Variants in ZMAT4 observed in about 807,000 individuals in gnomAD.
ZMAT4 encodes the protein zinc finger matrin-type protein 4.
A neutral mutation model predicts 28.7 loss-of-function variants in ZMAT4; 17 were observed. The ratio of observed to expected loss-of-function variants is 0.59; its 90% CI spans 0.41 to 0.89. The LOEUF is 0.89. ZMAT4 is among the 40% of genes least tolerant of loss of function. The pLI, the probability that ZMAT4 is intolerant of heterozygous loss-of-function variation, is 0.00. For synonymous variants in ZMAT4, 117 were observed against 109.2 expected (o/e 1.07, Z -0.44); for missense variants, 240 against 283.8 (o/e 0.85, Z 1.11).
intron 3 of ZMAT4, among the ~76,000 whole-genome samples, chr8:40,733,158 A>G (rs1313781656): frequency 6.6e-6 from 1 of 152,032 alleles, no homozygotes; most frequent in Non-Finnish European, 1.5e-5. Context: ...TTTAACTTAA[A>G]AATCTGAGCA....
At chr8:40,601,450 A>AAGGAAGGAAGGAAGGG (rs1805310786) in intron 5 of ZMAT4, among the ~76,000 whole-genome samples, 1 of 87,738 alleles carries the variant, frequency 1.1e-5, no homozygotes, top group African/African-American at 4.1e-5. Flanking sequence ...GGAAGGAAGG[A>AAGGAAGGAAGGAAGGG]AGGAAGGGAG....
intron 1 of ZMAT4, among the ~76,000 whole-genome samples, chr8:40,875,963 A>T (rs1818028760): frequency 6.6e-6 from 1 of 152,174 alleles, no homozygotes; most frequent in Non-Finnish European, 1.5e-5. Context: ...CTATTAACCC[A>T]CTAGACCAAG....
intron 4 of ZMAT4, among the ~76,000 whole-genome samples, chr8:40,692,293 G>A (rs1471658704): frequency 2.6e-5 from 4 of 152,226 alleles, no homozygotes; most frequent in Non-Finnish European, 5.9e-5. Context: ...TGAAAGAAAG[G>A]TTATTGCTAA....
intron 3 of ZMAT4, among the ~76,000 whole-genome samples, chr8:40,710,071 G>C (rs993228916): frequency 6.7e-6 from 1 of 150,240 alleles, no homozygotes; most frequent in Non-Finnish European, 1.5e-5. Flanking sequence ...ACTGGTGGTA[G>C]TCTGAGATAT....
chr8:40,543,392 G>C (rs538142532), intron 6 of ZMAT4, among the ~76,000 whole-genome samples: 2 of 152,176 alleles, frequency 1.3e-5, no homozygotes, highest in Non-Finnish European at 2.9e-5. Context: ...TGGGTGTAGC[G>C]TCTGCTGTAG....
At chr8:40,623,233 T>C (rs1415918885) in intron 5 of ZMAT4, among the ~76,000 whole-genome samples, 3 of 152,132 alleles carry the variant, frequency 2.0e-5, no homozygotes, top group African/African-American at 7.2e-5. Context: ...AGCTAGAGAA[T>C]AACATGGTCA....
intron 6 of ZMAT4, among the ~76,000 whole-genome samples, chr8:40,561,706 G>A (rs1318412685): frequency 1.4e-4 from 22 of 152,136 alleles, no homozygotes; most frequent in African/African-American, 9.7e-5. Context: ...GGCTGCATGC[G>A]GCTCAGGATG....
chr8:40,793,183 G>A (rs895733957), intron 2 of ZMAT4, among the ~76,000 whole-genome samples: 8 of 152,316 alleles, frequency 5.3e-5, no homozygotes, highest in African/African-American at 1.2e-4. Context: ...GAGAGAAACC[G>A]TGGTGAGAGG....
At chr8:40,695,076 A>T (rs565806249) in intron 4 of ZMAT4, among the ~76,000 whole-genome samples, 1 of 152,166 alleles carries the variant, frequency 6.6e-6, no homozygotes, top group African/African-American at 2.4e-5. Flanking sequence ...TTGTGCAATC[A>T]TATTTCTACA....
chr8:40,767,651 C>T lies in ZMAT4; in HGVS notation c.182G>A (p.Arg61Gln), dbSNP rs751036977. 7 of 1,612,218 alleles carry T rather than the reference C, an allele frequency of 4.3e-6. No individual in the cohort carries two copies. Among genetic ancestry groups the T allele is most frequent in the Admixed American group, 1.7e-5 (1 of 59,640 alleles). Reference protein sequence around the residue: ...RDGGCPAKRLRSENGSDADMV... With the variant: ...RDGGCPAKRLQSENGSDADMV... Reference sequence around the variant, plus strand: ...GTACCAGATACTCACATTTTCTGACCGGAGCCTCTTGGCAGGACACCCTCC... The same window carrying T: ...GTACCAGATACTCACATTTTCTGACTGGAGCCTCTTGGCAGGACACCCTCC... Residue 61 changes from arginine to glutamine, a missense_variant, in exon 3 of 7, where the codon CGG becomes CAG. Arg to Gln is a conservative substitution (Grantham distance 43, BLOSUM62 1). Coordinates refer to ENST00000297737, the MANE Select transcript of ZMAT4 (RefSeq NM_024645.3).
chr8:40,888,280 C>T (rs752466835), intron 1 of ZMAT4, among the ~76,000 whole-genome samples: 4 of 152,184 alleles, frequency 2.6e-5, no homozygotes, highest in Non-Finnish European at 4.4e-5. Flanking sequence ...TCATTCCATG[C>T]CTGGCTATTA....
chr8:40,876,143 C>T (rs574243940), intron 1 of ZMAT4, among the ~76,000 whole-genome samples: 1 of 152,260 alleles, frequency 6.6e-6, no homozygotes, highest in African/African-American at 2.4e-5. Context: ...CAGGTTTGAA[C>T]TGCAATGACC....
rs532018536 is a variant in ZMAT4, at chr8:40,616,064, A to C, written c.578-34803T>G. 2.0e-4 allele frequency among the ~76,000 whole-genome samples: 31 copies of C among 152,340 alleles called. No individual in the cohort carries two copies. In the South Asian group the frequency reaches 3.7e-3, roughly 18 times the overall value. Reference sequence around the variant, plus strand: ...AGAAAAAAGCAAACAACCCCATCAAAAAGTGGGCAAAGGATATGAACAGAC... The same window carrying C: ...AGAAAAAAGCAAACAACCCCATCAACAAGTGGGCAAAGGATATGAACAGAC... On this transcript the variant is annotated intron_variant, in intron 5 of 6. Coordinates refer to ENST00000297737, the MANE Select transcript of ZMAT4 (RefSeq NM_024645.3).
At chr8:40,856,519 A>G (rs1355871715) in intron 1 of ZMAT4, among the ~76,000 whole-genome samples, 2 of 152,228 alleles carry the variant, frequency 1.3e-5, no homozygotes, top group Non-Finnish European at 2.9e-5. Flanking sequence ...GCTTGAGGCC[A>G]TAATATAAAG....
chr8:40,843,022 C>T (rs1395774767), intron 1 of ZMAT4, among the ~76,000 whole-genome samples: 1 of 152,120 alleles, frequency 6.6e-6, no homozygotes, highest in Non-Finnish European at 1.5e-5. Context: ...GGTGATCTAC[C>T]CACCTCAGCC....
intron 6 of ZMAT4, among the ~76,000 whole-genome samples, chr8:40,570,149 C>T (rs1804047941): frequency 6.6e-6 from 1 of 152,028 alleles, no homozygotes; most frequent in South Asian, 2.1e-4. Flanking sequence ...GAAAGCATGC[C>T]ATATTATTCC....
At chr8:40,568,359 C>G (rs886142356) in intron 6 of ZMAT4, among the ~76,000 whole-genome samples, 4 of 152,146 alleles carry the variant, frequency 2.6e-5, no homozygotes, top group African/African-American at 9.7e-5. Flanking sequence ...CCACAAGAAA[C>G]TCAGAATGAG....
chr8:40,674,490 AAT>A, intron 5 of ZMAT4: 5 of 538,464 alleles, frequency 9.3e-6, no homozygotes, highest in Non-Finnish European at 1.6e-5. Context: ...AGTCAATAAA[AAT>A]ATGAAAATAA....
At chr8:40,778,549 TAATGACGGGAAAACAGA>T (rs750010952) in intron 2 of ZMAT4, among the ~76,000 whole-genome samples, 36 of 152,330 alleles carry the variant, frequency 2.4e-4, no homozygotes, top group South Asian at 6.2e-4. Flanking sequence ...TTGTTTCACC[TAATGACGGGAAAACAGA>T]AATTTTTTCT....
Sources: allele counts gnomAD v4.1 joint callset (sites outside exome capture counted in the v4.1 genomes callset), GRCh38; gene constraint gnomAD v4.1.1; transcripts MANE v1.5; gene names NCBI Gene and HGNC (gene_info 2026-07-23, HGNC 2026-07-21).